XKR6: variants seen among roughly 807,000 people sequenced by gnomAD.
The protein encoded by XKR6 is XK-related protein 6.
In XKR6, 22 loss-of-function variants were observed where a neutral mutation model predicts 56.7. That is an observed-to-expected ratio of 0.39 (90% CI 0.28 to 0.55). The LOEUF (loss-of-function observed/expected upper bound fraction) is 0.55. Ranked by LOEUF, XKR6 falls within the 20% of genes least tolerant of loss-of-function variation. The probability of loss-of-function intolerance (pLI) is 0.66; values close to 1 mark genes in which losing one functional copy is unlikely to be tolerated. For missense variants in XKR6, 852 were observed against 889.0 expected, an observed-to-expected ratio of 0.96 and a Z score of 0.53; for synonymous variants, 524 against 387.8, an observed-to-expected ratio of 1.35 and a Z score of -4.13.
At chr8:10,992,599 G>A (rs1798018951) in intron 1 of XKR6, among the ~76,000 whole-genome samples, 1 of 152,122 alleles carries the variant, frequency 6.6e-6, no homozygotes, top group Admixed American at 6.5e-5. Flanking sequence ...AATCCCTCTT[G>A]TTCTTATCAT....
intron 1 of XKR6, among the ~76,000 whole-genome samples, chr8:11,158,071 A>C (rs1046799822): frequency 2.0e-5 from 3 of 152,194 alleles, no homozygotes; most frequent in Admixed American, 1.3e-4. Flanking sequence ...TCAAACGTGT[A>C]ATCAGTGACT....
intron 2 of XKR6, among the ~76,000 whole-genome samples, chr8:10,910,240 T>C (rs1800312323): frequency 6.6e-6 from 1 of 152,094 alleles, no homozygotes; most frequent in South Asian, 2.1e-4. Context: ...ATAATCGCGC[T>C]GAGGTTGAAA....
chr8:10,933,835 G>A (rs1364153476), intron 1 of XKR6, among the ~76,000 whole-genome samples: 1 of 128,018 alleles, frequency 7.8e-6, no homozygotes, highest in African/African-American at 3.3e-5. Flanking sequence ...GTAGTGTGAT[G>A]CCTCCAGCTT....
At chr8:11,132,331 C>G (rs1052760719) in intron 1 of XKR6, among the ~76,000 whole-genome samples, 6 of 152,004 alleles carry the variant, frequency 3.9e-5, no homozygotes, top group African/African-American at 1.5e-4. Flanking sequence ...TTAACCAAAC[C>G]TAAATAACTT....
At chr8:11,005,742 C>G (rs1343396637) in intron 1 of XKR6, among the ~76,000 whole-genome samples, 1 of 151,738 alleles carries the variant, frequency 6.6e-6, no homozygotes, top group East Asian at 1.9e-4. Flanking sequence ...GTGGCTATCT[C>G]TGAATGCTGA....
At chr8:10,923,210 C>G (rs1379196182) in intron 2 of XKR6, among the ~76,000 whole-genome samples, 1 of 152,256 alleles carries the variant, frequency 6.6e-6, no homozygotes, top group Non-Finnish European at 1.5e-5. Flanking sequence ...GGTCCCTCAG[C>G]TCAGTGTGGG....
chr8:11,180,433 A>T (rs1406455417), intron 1 of XKR6, among the ~76,000 whole-genome samples: 1 of 152,206 alleles, frequency 6.6e-6, no homozygotes, highest in East Asian at 1.9e-4. Context: ...GGCCTCTACC[A>T]ACTAGATGCC....
chr8:10,966,124 G>A (rs979684538), intron 1 of XKR6, among the ~76,000 whole-genome samples: 2 of 152,196 alleles, frequency 1.3e-5, no homozygotes, highest in Non-Finnish European at 2.9e-5. Flanking sequence ...GCACAGCAGC[G>A]GTTCTCAAAC....
At chr8:10,961,085 T>C (rs969454933) in intron 1 of XKR6, among the ~76,000 whole-genome samples, 2 of 151,912 alleles carry the variant, frequency 1.3e-5, no homozygotes, top group African/African-American at 2.4e-5. Context: ...ATCGGAGGCA[T>C]GGCAGGCAGG....
chr8:11,146,989 A>T (rs1352588206), intron 1 of XKR6, among the ~76,000 whole-genome samples: 1 of 152,036 alleles, frequency 6.6e-6, no homozygotes, highest in Non-Finnish European at 1.5e-5. Flanking sequence ...TGGGGAGGTG[A>T]TGGTCAAAGG....
intron 1 of XKR6, among the ~76,000 whole-genome samples, chr8:10,992,088 T>C (rs934530542): frequency 1.3e-5 from 2 of 152,212 alleles, no homozygotes; most frequent in African/African-American, 2.4e-5. Flanking sequence ...ACAGTCTAAA[T>C]ACCAAGGTCT....
intron 1 of XKR6, among the ~76,000 whole-genome samples, chr8:11,153,945 T>C (rs780286014): frequency 2.0e-5 from 3 of 152,242 alleles, no homozygotes; most frequent in Non-Finnish European, 4.4e-5. Flanking sequence ...TTCTTCCTAA[T>C]TGGTCTCTCC....
intron 1 of XKR6, among the ~76,000 whole-genome samples, chr8:10,952,910 C>T (rs1282735808): frequency 1.3e-5 from 2 of 152,156 alleles, no homozygotes; most frequent in African/African-American, 4.8e-5. Flanking sequence ...CCTGCCAGAT[C>T]AGTGGCGGCA....
chr8:10,932,353 G>A (rs983038675), intron 1 of XKR6, among the ~76,000 whole-genome samples: 1 of 151,726 alleles, frequency 6.6e-6, no homozygotes, highest in Non-Finnish European at 1.5e-5. Flanking sequence ...CCCTTTCTAG[G>A]TATTCTAGAA....
intron 1 of XKR6, among the ~76,000 whole-genome samples, chr8:10,984,792 C>G (rs968931401): frequency 7.1e-6 from 1 of 140,722 alleles, no homozygotes; most frequent in Non-Finnish European, 1.5e-5. Context: ...CATTAAAACT[C>G]TACTAAGCAA....
rs1563146255 is a variant in XKR6 at position 11,114,724 on chromosome 8, C to CGT, written c.764+85851_764+85852insAC. On this transcript the variant is annotated intron_variant, in intron 1 of 2. Coordinates refer to ENST00000416569, the MANE Select transcript of XKR6 (RefSeq NM_173683.4). The stretch of plus-strand genomic sequence containing the variant: ...TTAATGAAGTCAGCTACTTAGATCA[C>CGT]ATATGTGTGTGTGTGTGTGTGTGTG... 9.3e-4 allele frequency among the ~76,000 whole-genome samples: 114 copies of CGT among 122,230 alleles called. 1 individual carries two copies. The highest frequency in any genetic ancestry group is 5.0e-3 in the African/African-American group (111 of 22,256). 80.2% of individuals were successfully genotyped at this position (122,230 alleles called of 152,430 possible).
intron 1 of XKR6, among the ~76,000 whole-genome samples, chr8:10,951,312 C>T (rs544236157): frequency 6.0e-5 from 6 of 99,618 alleles, no homozygotes; most frequent in Non-Finnish European, 9.3e-5. Flanking sequence ...GGGGGGGGGC[C>T]CCCACAGTGG....
intron 1 of XKR6, among the ~76,000 whole-genome samples, chr8:10,939,445 C>T (rs1408889576): frequency 6.6e-6 from 1 of 152,206 alleles, no homozygotes; most frequent in African/African-American, 2.4e-5. Flanking sequence ...CAGCTGCTCC[C>T]ACAGTCCTAT....
At chr8:11,098,079 C>G (rs754629745) in intron 1 of XKR6, among the ~76,000 whole-genome samples, 1 of 152,128 alleles carries the variant, frequency 6.6e-6, no homozygotes, top group African/African-American at 2.4e-5. Context: ...TAGAGCCTTG[C>G]TAGGCTCTGC....
Sources: gnomAD v4.1 joint callset for allele counts (sites outside exome capture counted in the v4.1 genomes callset) on GRCh38, gnomAD v4.1.1 for gene constraint, MANE v1.5 for transcripts, NCBI Gene and HGNC (gene_info 2026-07-23, HGNC 2026-07-21) for gene names.